Variants in UCHL3 observed in about 807,000 individuals in gnomAD.
UCHL3 encodes the protein ubiquitin carboxyl-terminal hydrolase isozyme L3.
Under a neutral mutation model 35.8 loss-of-function variants are expected in UCHL3, and 22 were observed. That is an observed-to-expected ratio of 0.61 (90% CI 0.44 to 0.88). UCHL3 has a LOEUF of 0.88. Ranked by LOEUF, UCHL3 falls within the 40% of genes least tolerant of loss-of-function variation. The pLI is 0.00. For missense variants in UCHL3, 229 were observed against 276.9 expected, an observed-to-expected ratio of 0.83 and a Z score of 1.23; for synonymous variants, 90 against 92.8, an observed-to-expected ratio of 0.97 and a Z score of 0.17.
chr13:75,584,698 A>C (rs1397036138), intron 6 of UCHL3, among the ~76,000 whole-genome samples: 1 of 152,188 alleles, frequency 6.6e-6, no homozygotes, highest in Non-Finnish European at 1.5e-5. Flanking sequence ...TAAATGCTCA[A>C]GTGGAAAAGA....
chr13:75,549,775 G>A, upstream of UCHL3: 3 of 1,059,472 alleles, frequency 2.8e-6, no homozygotes, highest in South Asian at 2.0e-5. Flanking sequence ...CGGCGGCGGC[G>A]GCGAAGGCGG....
chr13:75,566,713 G>A lies in UCHL3; in HGVS notation c.202G>A (p.Glu68Lys), dbSNP rs553927686. The A allele has an allele frequency of 1.0e-5, 16 of 1,589,294 alleles. No individual in the cohort carries two copies. The South Asian group carries it at 1.7e-4, about 17-fold the overall frequency. ...TTAATAGTATGAAGTATTCAGAACA[G>A]AAGAGGAAGAAAAAATAAAATCTCA... ...ITEKYEVFRT[E>K]EEEKIKSQGQ... The change falls in exon 4 of 9, where the codon GAA (glutamate) becomes AAA (lysine). Residue 68 changes from glutamate (E) to lysine (K), a missense_variant. By Grantham distance (56) the Glu-to-Lys change is moderately conservative. Coordinates refer to ENST00000377595, the MANE Select transcript of UCHL3 (RefSeq NM_006002.5).
Position 75,564,441 on chromosome 13 carries a change from C to T in UCHL3, c.184-2254C>T, listed in dbSNP as rs762150081. ...CTGGGATTACAGGTGTGAGCCACTA[C>T]GCCTGGCCTAAAGTGCAGATATCTT... On this transcript the variant is annotated intron_variant, in intron 3 of 8. Coordinates refer to ENST00000377595, the MANE Select transcript of UCHL3 (RefSeq NM_006002.5). Among the ~76,000 whole-genome samples, 7 of 152,178 alleles carry T rather than the reference C, an allele frequency of 4.6e-5. No homozygotes were observed. In the South Asian group the frequency reaches 1.0e-3, roughly 23 times the overall value.
chr13:75,566,758 T>G lies in UCHL3; in HGVS notation c.247T>G (p.Ser83Ala). The G allele has an allele frequency of 6.2e-7, 1 of 1,610,824 alleles. No homozygotes were observed. The highest frequency in any genetic ancestry group is 8.5e-7 in the Non-Finnish European group (1 of 1,178,570). ...ATCTCAGGGACAAGATGTTACATCA[T>G]CAGTATATTTCATGAAGCAAACAAT... Reference protein sequence around the residue: ...IKSQGQDVTSSVYFMKQTISN... With the variant: ...IKSQGQDVTSAVYFMKQTISN... Residue 83 changes from serine (S) to alanine (A), a missense_variant, in exon 4 of 9, where the codon TCA becomes GCA. Ser to Ala is a moderately conservative substitution (Grantham distance 99, BLOSUM62 1). Coordinates refer to ENST00000377595, the MANE Select transcript of UCHL3 (RefSeq NM_006002.5).
At chr13:75,566,092 C>T (rs577254597) in intron 3 of UCHL3, among the ~76,000 whole-genome samples, 7 of 152,216 alleles carry the variant, frequency 4.6e-5, no homozygotes, top group South Asian at 2.1e-4. Flanking sequence ...AATATAGAAA[C>T]GTAACAATTA....
At chr13:75,593,542 C>T (rs375929710) in intron 6 of UCHL3, among the ~76,000 whole-genome samples, 19 of 152,196 alleles carry the variant, frequency 1.2e-4, no homozygotes, top group Middle Eastern at 3.4e-3. Flanking sequence ...CAAAACCTAG[C>T]GGAGGAGCCT....
chr13:75,569,610 A>G (rs2031790247), intron 6 of UCHL3, 103 bp downstream of exon 6: 1 of 1,117,038 alleles, frequency 9.0e-7, no homozygotes, highest in Non-Finnish European at 1.3e-6. Context: ...AAAGTTTTAG[A>G]AAGTTACTTG....
chr13:75,601,074 C>A (rs750326610), intron 7 of UCHL3, among the ~76,000 whole-genome samples: 1 of 152,120 alleles, frequency 6.6e-6, no homozygotes, highest in African/African-American at 2.4e-5. Context: ...GAAGGGGAGC[C>A]TGAAGATGTG....
intron 6 of UCHL3, chr13:75,589,919 C>T (rs1243319199): frequency 1.5e-6 from 2 of 1,290,546 alleles, no homozygotes; most frequent in Non-Finnish European, 2.0e-6. Context: ...GTAAAATATT[C>T]TCTTTTTTAA....
In UCHL3 at chr13:75,549,841, G is replaced by A. The variant is rs1354596975; in HGVS notation, c.21G>A (p.Leu7=). 3.8e-6 allele frequency: 6 copies of A among 1,599,850 alleles called. No homozygotes were observed. In the South Asian group the frequency reaches 6.6e-5, roughly 18 times the overall value. ...CGGCCATGGAGGGTCAACGCTGGCT[G>A]CCGCTGGAGGCCAATCCCGAGGTGG... MEGQRW[L]PLEANPEVTN... Residue 7 remains leucine (L), a synonymous_variant, in exon 1 of 9, where the codon CTG becomes CTA. Coordinates refer to ENST00000377595, the MANE Select transcript of UCHL3 (RefSeq NM_006002.5).
intron 6 of UCHL3, chr13:75,589,807 G>T (rs551477704): frequency 5.8e-5 from 41 of 705,376 alleles, no homozygotes; most frequent in Non-Finnish European, 6.7e-5. Flanking sequence ...ATGATCCTTT[G>T]CTAGATAGAT....
intron 7 of UCHL3, among the ~76,000 whole-genome samples, chr13:75,601,187 A>G (rs2032774630): frequency 6.6e-6 from 1 of 152,204 alleles, no homozygotes; most frequent in African/African-American, 2.4e-5. Context: ...TACTCCTAAT[A>G]AAGAGGTCAT....
At chr13:75,604,703 G>A (rs542522335) in intron 7 of UCHL3, 66 bp from the exon 8 acceptor site, 4 of 1,364,466 alleles carry the variant, frequency 2.9e-6, no homozygotes, top group East Asian at 5.1e-5. Context: ...AGAGGAAAAT[G>A]GAAGTTGAAA....
At chr13:75,570,941 T>C (rs1263410000) in intron 6 of UCHL3, among the ~76,000 whole-genome samples, 1 of 152,180 alleles carries the variant, frequency 6.6e-6, no homozygotes, top group Non-Finnish European at 1.5e-5. Flanking sequence ...TTGGTTGCTC[T>C]AGGCGCTGCT....
Position 75,559,030 on chromosome 13 carries a change from CTTTTTTTTTTTT to C in UCHL3, c.55-1707_55-1696del, listed in dbSNP as rs34100020. On this transcript the variant is annotated intron_variant, in intron 2 of 8. Coordinates refer to ENST00000377595, the MANE Select transcript of UCHL3 (RefSeq NM_006002.5). ...CCATTGATCTCCTCAGCCCCGGACT[CTTTTTTTTTTTT>C]TTTTTTTTTTTTTTTGAGACGGAGT... is the stretch of plus-strand genomic sequence containing the variant. Among the ~76,000 whole-genome samples, 10 of 64,304 alleles carry C rather than the reference CTTTTTTTTTTTT, an allele frequency of 1.6e-4. No homozygotes were observed. In the East Asian group the frequency reaches 2.3e-3, roughly 15 times the overall value. 42.2% of individuals were successfully genotyped at this position (64,304 alleles called of 152,430 possible).
chr13:75,550,126 G>A, intron 2 of UCHL3, 139 bp downstream of exon 2: 1 of 1,370,236 alleles, frequency 7.3e-7, no homozygotes, highest in Non-Finnish European at 1.0e-6. Context: ...GGCTTTACGC[G>A]GGTCCGCCCC....
At chr13:75,584,410 C>G (rs2032267583) in intron 6 of UCHL3, among the ~76,000 whole-genome samples, 1 of 152,176 alleles carries the variant, frequency 6.6e-6, no homozygotes, top group African/African-American at 2.4e-5. Context: ...CCACTCTAAG[C>G]ACAAGGTTAT....
At chr13:75,571,637 C>T (rs2031859515) in intron 6 of UCHL3, among the ~76,000 whole-genome samples, 2 of 152,112 alleles carry the variant, frequency 1.3e-5, no homozygotes, top group South Asian at 2.1e-4. Flanking sequence ...TGCTGGATTC[C>T]CTTTCCTGAA....
intron 5 of UCHL3, among the ~76,000 whole-genome samples, chr13:75,567,546 T>A (rs952132279): frequency 5.3e-5 from 8 of 150,426 alleles, no homozygotes; most frequent in South Asian, 2.2e-4. Context: ...CAGTTTGATT[T>A]ACAAATTTTT....
Sources: allele counts gnomAD v4.1 joint callset (sites outside exome capture counted in the v4.1 genomes callset), GRCh38; gene constraint gnomAD v4.1.1; transcripts MANE v1.5; gene names NCBI Gene and HGNC (gene_info 2026-07-23, HGNC 2026-07-21).